CSMD1: variants seen among roughly 807,000 people sequenced by gnomAD.
The protein encoded by CSMD1 is CUB and sushi domain-containing protein 1.
CSMD1 carries 213 observed loss-of-function variants against 417.5 expected under a neutral mutation model. That is an observed-to-expected ratio of 0.51 (90% CI 0.46 to 0.57). The LOEUF is 0.57. CSMD1 is among the 20% of genes least tolerant of loss of function. CSMD1 has a pLI of 0.00. For missense variants in CSMD1, 6,923 were observed against 4,529.7 expected, an observed-to-expected ratio of 1.53 and a Z score of -15.17; for synonymous variants, 2,862 against 1,736.8, an observed-to-expected ratio of 1.65 and a Z score of -16.11.
chr8:4,261,355 A>T (rs559809106), intron 3 of CSMD1, among the ~76,000 whole-genome samples: 1 of 152,182 alleles, frequency 6.6e-6, no homozygotes, highest in Non-Finnish European at 1.5e-5. Flanking sequence ...GAATCTAAGA[A>T]CATCTTCTCA....
chr8:3,285,322 T>C (rs1343296666), intron 25 of CSMD1, among the ~76,000 whole-genome samples: 1 of 152,118 alleles, frequency 6.6e-6, no homozygotes, highest in Non-Finnish European at 1.5e-5. Context: ...AATCCTTAAA[T>C]ATAGAGAAAA....
At chr8:3,640,574 T>C (rs897473420) in intron 7 of CSMD1, among the ~76,000 whole-genome samples, 2 of 152,132 alleles carry the variant, frequency 1.3e-5, no homozygotes, top group Non-Finnish European at 2.9e-5. Flanking sequence ...CAAGAGAAAA[T>C]ATATTTTCTC....
chr8:2,984,325 C>G (rs1461336799), intron 54 of CSMD1, among the ~76,000 whole-genome samples: 1 of 152,126 alleles, frequency 6.6e-6, no homozygotes, highest in Non-Finnish European at 1.5e-5. Context: ...TTAAAGAAAC[C>G]TGTGCGTTGA....
chr8:3,547,124 C>T (rs1563141520), intron 10 of CSMD1, among the ~76,000 whole-genome samples: 1 of 152,128 alleles, frequency 6.6e-6, no homozygotes, highest in Non-Finnish European at 1.5e-5. Flanking sequence ...CCTCATGCTG[C>T]CATTCACACA....
At chr8:4,735,187 C>T (rs1280311155) in intron 1 of CSMD1, among the ~76,000 whole-genome samples, 2 of 152,174 alleles carry the variant, frequency 1.3e-5, no homozygotes, top group Non-Finnish European at 2.9e-5. Context: ...GGAATGCCCC[C>T]TTCTCTTTCA....
At chr8:3,694,253 G>A (rs1459643964) in intron 7 of CSMD1, among the ~76,000 whole-genome samples, 1 of 152,070 alleles carries the variant, frequency 6.6e-6, no homozygotes, top group Non-Finnish European at 1.5e-5. Context: ...TGGAGTCCAG[G>A]AAGAGCCTGG....
At chr8:3,331,569 C>T (rs1806898886) in intron 23 of CSMD1, among the ~76,000 whole-genome samples, 2 of 152,140 alleles carry the variant, frequency 1.3e-5, no homozygotes, top group South Asian at 4.1e-4. Flanking sequence ...CTGAAAATAA[C>T]AAAAGGATCA....
At chr8:4,187,122 C>G (rs1159926154) in intron 3 of CSMD1, among the ~76,000 whole-genome samples, 1 of 149,448 alleles carries the variant, frequency 6.7e-6, no homozygotes, top group African/African-American at 2.5e-5. Flanking sequence ...TTCACCAAGT[C>G]TCCACTCTGT....
chr8:4,825,159 G>T (rs1352175993), intron 1 of CSMD1, among the ~76,000 whole-genome samples: 1 of 151,892 alleles, frequency 6.6e-6, no homozygotes, highest in Non-Finnish European at 1.5e-5. Flanking sequence ...TGAAGAAGTG[G>T]GATAAATGTG....
intron 2 of CSMD1, among the ~76,000 whole-genome samples, chr8:4,451,021 G>A (rs1304825476): frequency 3.3e-5 from 5 of 150,832 alleles, no homozygotes; most frequent in Non-Finnish European, 1.5e-5. Flanking sequence ...CCAACGTGGG[G>A]AAAAAAAAAA....
chr8:4,568,268 G>A (rs896405443), intron 2 of CSMD1, among the ~76,000 whole-genome samples: 1 of 152,008 alleles, frequency 6.6e-6, no homozygotes, highest in African/African-American at 2.4e-5. Context: ...CTAATGCTAT[G>A]CTATCCCTCC....
At chr8:3,488,342 A>G (rs568242586) in intron 11 of CSMD1, among the ~76,000 whole-genome samples, 19 of 152,186 alleles carry the variant, frequency 1.2e-4, no homozygotes, top group East Asian at 5.8e-4. Context: ...TTTTGGCCTC[A>G]AGTATTTCTC....
At chr8:3,416,567 T>TAGCA (rs1404761687) in intron 12 of CSMD1, among the ~76,000 whole-genome samples, 2 of 152,198 alleles carry the variant, frequency 1.3e-5, no homozygotes, top group Non-Finnish European at 2.9e-5. Context: ...GAAGCATAGT[T>TAGCA]AGCACGCTTG....
intron 8 of CSMD1, chr8:3,613,302 G>C (rs563498885): frequency 7.1e-6 from 3 of 420,960 alleles, no homozygotes; most frequent in Non-Finnish European, 1.4e-5. Context: ...TCCAATTCCA[G>C]GTAGCTTCCC....
intron 1 of CSMD1, among the ~76,000 whole-genome samples, chr8:4,960,774 T>C (rs1809424071): frequency 6.6e-6 from 1 of 152,148 alleles, no homozygotes; most frequent in African/African-American, 2.4e-5. Context: ...TTCTTACATC[T>C]AAGCAAGAAC....
At position 2,977,628 on chromosome 8, in the gene CSMD1, C is replaced by A. The variant is rs146165018; in HGVS notation, c.8566+984G>T. Among the ~76,000 whole-genome samples the A allele has an allele frequency of 1.1e-4, 16 of 152,274 alleles. No individual in the cohort carries two copies. The East Asian group carries it at 3.1e-3, about 29-fold the overall frequency. ...TTAGCACTGCAAAAGAAACTATCCT[C>A]AGAGTGAACACACAACCAACAGAAT... On this transcript the variant is annotated intron_variant, in intron 55 of 69. Coordinates refer to ENST00000635120, the MANE Select transcript of CSMD1 (RefSeq NM_033225.6).
intron 25 of CSMD1, among the ~76,000 whole-genome samples, chr8:3,304,276 G>A (rs1411569139): frequency 6.6e-6 from 1 of 151,962 alleles, no homozygotes; most frequent in Non-Finnish European, 1.5e-5. Context: ...TAACATTGTA[G>A]GTAATACAGA....
chr8:4,206,432 G>A (rs779038890), intron 3 of CSMD1, among the ~76,000 whole-genome samples: 22 of 152,100 alleles, frequency 1.4e-4, no homozygotes, highest in Middle Eastern at 3.4e-3. Context: ...GAGAACATGC[G>A]GTGTTTGGTT....
chr8:3,531,842 G>C (rs1797994487), intron 10 of CSMD1, among the ~76,000 whole-genome samples: 1 of 152,160 alleles, frequency 6.6e-6, no homozygotes, highest in Admixed American at 6.5e-5. Flanking sequence ...GAGAGAAACG[G>C]CTACGTGGGG....
Sources: allele counts gnomAD v4.1 joint callset (sites outside exome capture counted in the v4.1 genomes callset), GRCh38; gene constraint gnomAD v4.1.1; transcripts MANE v1.5; gene names NCBI Gene and HGNC (gene_info 2026-07-23, HGNC 2026-07-21).